The following FKBP15 variants were observed in gnomAD, a reference collection of about 807,000 sequenced individuals.
FKBP15 encodes the protein FK506-binding protein 15.
Under a neutral mutation model 158.1 loss-of-function variants are expected in FKBP15, and 106 were observed. That is an observed-to-expected ratio of 0.67 (90% CI 0.57 to 0.79). The LOEUF is 0.79. FKBP15 is among the 30% of genes least tolerant of loss of function. The pLI, the probability that FKBP15 is intolerant of heterozygous loss-of-function variation, is 0.00. For synonymous variants in FKBP15, 547 were observed against 548.6 expected (o/e 1.00, Z 0.04); for missense variants, 1,287 against 1,479.1 (o/e 0.87, Z 2.13).
chr9:113,221,069 G>A, intron 1 of FKBP15, 122 bp downstream of exon 1: 1 of 1,070,172 alleles, frequency 9.3e-7, no homozygotes, highest in Non-Finnish European at 1.3e-6. Context: ...TAGAGCACCG[G>A]AATGTGGCAA....
intron 19 of FKBP15, among the ~76,000 whole-genome samples, chr9:113,181,924 G>A (rs1300951738): frequency 6.6e-6 from 1 of 152,124 alleles, no homozygotes; most frequent in Non-Finnish European, 1.5e-5. Context: ...AATAAGAAAT[G>A]GTATAAAGTA....
intron 8 of FKBP15, 56 bp from the exon 9 acceptor site, chr9:113,197,134 G>A (rs1194971690): frequency 5.0e-6 from 8 of 1,590,100 alleles, no homozygotes; most frequent in Non-Finnish European, 6.9e-6. Flanking sequence ...AGAAGACAAA[G>A]TGAAGTACAG....
rs766107320 is a variant in FKBP15, at chr9:113,169,545, T to A, written c.3164A>T (p.Asp1055Val). 1.4e-5 allele frequency: 22 copies of A among 1,613,810 alleles called. No individual in the cohort carries two copies. In the East Asian group the frequency reaches 1.6e-4, roughly 11 times the overall value. The change falls in exon 26 of 28, where the codon GAC (aspartate) becomes GTC (valine). Residue 1055 changes from aspartate (D) to valine (V), a missense_variant. Physicochemically the swap from Asp to Val is radical, Grantham distance 152. Transcript: ENST00000238256. ...AGCAAGTGACTCCTCACACTCAGAG[T>A]CCATGGATACAGGGCCTAGGGGCTC... ...PPEPLGPVSM[D>V]SECEESLAAS...
intron 15 of FKBP15, among the ~76,000 whole-genome samples, chr9:113,185,717 G>C (rs1199860466): frequency 6.6e-6 from 1 of 152,148 alleles, no homozygotes; most frequent in African/African-American, 2.4e-5. Context: ...CAAGGTCAGG[G>C]GGTTTATGGA....
At chr9:113,194,848 G>A (rs900631974) in intron 9 of FKBP15, among the ~76,000 whole-genome samples, 6 of 152,192 alleles carry the variant, frequency 3.9e-5, no homozygotes, top group African/African-American at 7.2e-5. Flanking sequence ...AGGAACTAAA[G>A]TCATAAATAT....
In FKBP15 at chr9:113,169,246, T is replaced by C. The variant is rs376767852; in HGVS notation, c.3463A>G (p.Ser1155Gly). ...TACCTGGAACGCTGGGAATGATGGCTGGGTCTGAGGGCTGCTCCTGCAACT... is the reference window on the plus strand; with the variant it reads ...TACCTGGAACGCTGGGAATGATGGCCGGGTCTGAGGGCTGCTCCTGCAACT... ...STVAGAALRP[S>G]HHSQRSSLSG... The change falls in exon 26 of 28, where the codon AGC becomes GGC. Residue 1155 changes from serine to glycine, a missense_variant. Transcript: ENST00000238256. The C allele has an allele frequency of 1.9e-6, 3 of 1,613,576 alleles. No individual in the cohort carries two copies. In the African/African-American group the frequency reaches 4.0e-5, roughly 22 times the overall value.
In FKBP15 at chr9:113,163,136, T is replaced by C. The variant is rs1006657299; in HGVS notation, c.*2942A>G. ...CCTACGTAGGGCCCAGGCATGGTCT[T>C]GTGTCTTAAGACAGCTGCTGTGACC... On this transcript the variant is annotated 3_prime_UTR_variant, in exon 28 of 28. Coordinates refer to ENST00000238256, the MANE Select transcript of FKBP15 (RefSeq NM_015258.2). 14 of 445,718 alleles carry C rather than the reference T, an allele frequency of 3.1e-5. No individual in the cohort carries two copies. The highest frequency in any genetic ancestry group is 2.6e-4 in the African/African-American group (13 of 49,440). 27.6% of individuals were successfully genotyped at this position (445,718 alleles called of 1,614,324 possible). A position where few individuals can be genotyped will look rare whatever the true frequency, so the allele number is the denominator to read the frequency against.
intron 23 of FKBP15, 88 bp from the exon 24 acceptor site, chr9:113,171,794 G>GT: frequency 9.2e-7 from 1 of 1,091,448 alleles, no homozygotes; most frequent in Admixed American, 3.8e-5. Flanking sequence ...CAAACATCAA[G>GT]TCTCTTTTTT....
Position 113,212,818 on chromosome 9 carries a change from T to A in FKBP15, c.54-1226A>T, listed in dbSNP as rs565951687. On this transcript the variant is annotated intron_variant, in intron 1 of 27. Coordinates refer to ENST00000238256, the MANE Select transcript of FKBP15 (RefSeq NM_015258.2). ...GTCTCTCTGTACTCATTTACCTTGG[T>A]ATCAAATGCTATCCAAATGCTGGTG... Among the ~76,000 whole-genome samples the A allele has an allele frequency of 1.1e-4, 16 of 152,318 alleles. No homozygotes were observed. In the South Asian group the frequency reaches 3.3e-3, roughly 32 times the overall value.
intron 1 of FKBP15, among the ~76,000 whole-genome samples, chr9:113,215,146 G>A (rs1249962932): frequency 3.3e-5 from 5 of 152,152 alleles, no homozygotes; most frequent in Admixed American, 3.3e-4. Context: ...CTTTAAGAAT[G>A]TTTCCTTTGC....
Position 113,169,357 on chromosome 9 carries a change from G to A in FKBP15, c.3352C>T (p.Pro1118Ser). The change falls in exon 26 of 28, where the codon CCT (proline) becomes TCT (serine). Residue 1118 changes from proline (P) to serine (S), a missense_variant. Transcript: ENST00000238256. ...TCTTTCTTGAGCTGTGGAGGCTGAG[G>A]CTCTCCTGGGCTTTCAGGCCCTAAG... ...LALGPESPGEPQPPQLKKDDV... is the reference protein window; with the variant it reads ...LALGPESPGESQPPQLKKDDV... The A allele has an allele frequency of 6.2e-7, 1 of 1,614,074 alleles. No homozygotes were observed. Among genetic ancestry groups the A allele is most frequent in the Non-Finnish European group, 8.5e-7 (1 of 1,179,904 alleles).
rs1830440092 is a variant in FKBP15 at position 113,183,734 on chromosome 9, C to T, written c.1811+17G>A. On this transcript the variant is annotated intron_variant, in intron 18 of 27. Transcript: ENST00000238256. ...ACCCTTTTGTCCATCCTAGCCAGGC[C>T]CCGTACCTGTCATTACCTCTGATTT... The T allele has an allele frequency of 1.3e-6, 2 of 1,572,962 alleles. No homozygotes were observed. The highest frequency in any genetic ancestry group is 1.7e-6 in the Non-Finnish European group (2 of 1,143,182).
chr9:113,211,587 C>A lies in FKBP15; in HGVS notation c.59G>T (p.Arg20Ile). 1 of 1,595,902 alleles carries A rather than the reference C, an allele frequency of 6.3e-7. No homozygotes were observed. The highest frequency in any genetic ancestry group is 8.5e-7 in the Non-Finnish European group (1 of 1,170,022). Reference sequence around the variant, plus strand: ...ATCCAGTCCAAAAAGTGAGGCCAATCTGGCACTGTTAGTAGAAAATGAAAA... The same window carrying A: ...ATCCAGTCCAAAAAGTGAGGCCAATATGGCACTGTTAGTAGAAAATGAAAA... ...TDFLSPSGGARLASLFGLDQA... is the reference protein window; with the variant it reads ...TDFLSPSGGAILASLFGLDQA... The change falls in exon 2 of 28, where the codon AGA becomes ATA. Residue 20 changes from arginine (R) to isoleucine (I), a missense_variant. Coordinates refer to ENST00000238256, the MANE Select transcript of FKBP15 (RefSeq NM_015258.2).
intron 13 of FKBP15, 125 bp from the exon 14 acceptor site, chr9:113,188,024 C>A (rs1442782062): frequency 2.8e-6 from 2 of 722,262 alleles, no homozygotes; most frequent in East Asian, 5.4e-5. Context: ...TCCCTACACT[C>A]AGCTCTACTG....
At chr9:113,209,810 C>A (rs1222251006) in intron 2 of FKBP15, among the ~76,000 whole-genome samples, 1 of 152,238 alleles carries the variant, frequency 6.6e-6, no homozygotes, top group Non-Finnish European at 1.5e-5. Flanking sequence ...ATAAAGCCAA[C>A]CTCCTCTGCT....
In FKBP15 at chr9:113,169,596, A is replaced by G; in HGVS notation, c.3113T>C (p.Leu1038Pro). ...ELSCIPSHRV[L>P]GPPTSIPPEP... ...AGGTGGAATTGAAGTCGGGGGCCCTAGAACTCTGTGGGATGGGATGCAAGA... is the reference window on the plus strand; with the variant it reads ...AGGTGGAATTGAAGTCGGGGGCCCTGGAACTCTGTGGGATGGGATGCAAGA... The change falls in exon 26 of 28, where the codon CTA becomes CCA. Residue 1038 changes from leucine to proline, a missense_variant. Physicochemically the swap from Leu to Pro is moderately conservative, Grantham distance 98. Coordinates refer to ENST00000238256, the MANE Select transcript of FKBP15 (RefSeq NM_015258.2). The G allele has an allele frequency of 1.8e-5, 29 of 1,614,046 alleles. No individual in the cohort carries two copies. Among genetic ancestry groups the G allele is most frequent in the Non-Finnish European group, 2.4e-5 (28 of 1,179,898 alleles).
intron 23 of FKBP15, among the ~76,000 whole-genome samples, chr9:113,172,254 G>A (rs1263346250): frequency 6.6e-6 from 1 of 152,098 alleles, no homozygotes; most frequent in Non-Finnish European, 1.5e-5. Flanking sequence ...ATCACTGATG[G>A]ACATTTGGGT....
Position 113,193,529 on chromosome 9 carries a change from T to C in FKBP15, c.1028A>G (p.Lys343Arg). The C allele has an allele frequency of 6.3e-7, 1 of 1,599,838 alleles. No individual in the cohort carries two copies. The highest frequency in any genetic ancestry group is 8.5e-7 in the Non-Finnish European group (1 of 1,172,604). The change falls in exon 11 of 28, where the codon AAA (lysine) becomes AGA (arginine). Residue 343 changes from lysine (K) to arginine (R), a missense_variant. Coordinates refer to ENST00000238256, the MANE Select transcript of FKBP15 (RefSeq NM_015258.2). ...AAGTTGTTCACTGAGGGAGTTAGAT[T>C]TGGTACGAAGAGCTGGCTCCCTGAA... is the stretch of plus-strand genomic sequence containing the variant. ...FKSGEPALRT[K>R]SNSLSEQLAI...
At chr9:113,209,244 T>C (rs1210754056) in intron 2 of FKBP15, among the ~76,000 whole-genome samples, 1 of 152,150 alleles carries the variant, frequency 6.6e-6, no homozygotes, top group East Asian at 1.9e-4. Flanking sequence ...GAATAGCCAC[T>C]ACATTCCAGC....
Sources: allele counts gnomAD v4.1 joint callset (sites outside exome capture counted in the v4.1 genomes callset), GRCh38; gene constraint gnomAD v4.1.1; transcripts MANE v1.5; gene names NCBI Gene and HGNC (gene_info 2026-07-23, HGNC 2026-07-21).